The following SOX6 variants were observed in gnomAD, a reference collection of about 807,000 sequenced individuals.
SOX6 encodes transcription factor SOX-6.
Under a neutral mutation model 97.8 loss-of-function variants are expected in SOX6, and 11 were observed. The observed-to-expected ratio is 0.11, with a 90% CI of 0.07 to 0.19. SOX6 has a LOEUF of 0.19. Ranked by LOEUF, SOX6 falls within the 10% of genes least tolerant of loss-of-function variation. SOX6 has a pLI of 1.00. For missense variants in SOX6, 810 were observed against 1,039.5 expected, an observed-to-expected ratio of 0.78 and a Z score of 3.04; for synonymous variants, 360 against 371.4, an observed-to-expected ratio of 0.97 and a Z score of 0.35.
rs995141027 is a variant in SOX6, at chr11:16,048,822, T to C, written c.1435+933A>G. Among the ~76,000 whole-genome samples, 4 of 152,186 alleles carry C rather than the reference T, an allele frequency of 2.6e-5. No individual in the cohort carries two copies. The South Asian group carries it at 8.3e-4, about 32-fold the overall frequency. On this transcript the variant is annotated intron_variant, in intron 11 of 15. Transcript: ENST00000683767. Reference sequence around the variant, plus strand: ...TCTGTTTGGAAATTAAGTCTCTTAATTTCCAAAGAGTATAACAAATTAAGA... The same window carrying C: ...TCTGTTTGGAAATTAAGTCTCTTAACTTCCAAAGAGTATAACAAATTAAGA...
At chr11:16,274,163 C>A (rs938446849) in intron 3 of SOX6, among the ~76,000 whole-genome samples, 3 of 152,048 alleles carry the variant, frequency 2.0e-5, no homozygotes, top group African/African-American at 7.2e-5. Context: ...CCCTCCTCTC[C>A]AGTTTTTAAG....
At chr11:16,454,559 T>G (rs1859780372) in intron 1 of SOX6, among the ~76,000 whole-genome samples, 1 of 151,978 alleles carries the variant, frequency 6.6e-6, no homozygotes, top group Non-Finnish European at 1.5e-5. Context: ...GTACCCGATT[T>G]TTCTCTTTTA....
intron 3 of SOX6, among the ~76,000 whole-genome samples, chr11:16,244,863 C>T (rs762441730): frequency 1.3e-4 from 19 of 151,632 alleles, no homozygotes; most frequent in Non-Finnish European, 2.5e-4. Flanking sequence ...TTCATTGTTG[C>T]AGCCTTACAA....
intron 4 of SOX6, among the ~76,000 whole-genome samples, chr11:16,534,394 G>A (rs1052629673): frequency 5.9e-5 from 9 of 151,792 alleles, no homozygotes; most frequent in Non-Finnish European, 1.2e-4. Flanking sequence ...TTTTTCCAGC[G>A]AAGTTGGACT....
At chr11:16,291,476 C>T (rs907364304) in intron 3 of SOX6, among the ~76,000 whole-genome samples, 1 of 151,834 alleles carries the variant, frequency 6.6e-6, no homozygotes, top group African/African-American at 2.4e-5. Context: ...GCAGAATACA[C>T]CATTACGTTT....
At chr11:15,982,905 C>T (rs1356934962) in intron 15 of SOX6, among the ~76,000 whole-genome samples, 1 of 151,914 alleles carries the variant, frequency 6.6e-6, no homozygotes, top group African/African-American at 2.4e-5. Context: ...TATTCGGTCA[C>T]AGTTCTTTGG....
At chr11:16,280,003 T>A (rs985675642) in intron 3 of SOX6, among the ~76,000 whole-genome samples, 1 of 152,116 alleles carries the variant, frequency 6.6e-6, no homozygotes, top group Non-Finnish European at 1.5e-5. Context: ...AGTCCACACG[T>A]CATTTGAAAA....
At chr11:16,316,030 T>A (rs1332736349) in intron 3 of SOX6, 2 of 152,100 alleles carry the variant, frequency 1.3e-5, no homozygotes, top group African/African-American at 2.4e-5. Context: ...TGATGCTGAC[T>A]GAAATAGCAC....
intron 3 of SOX6, among the ~76,000 whole-genome samples, chr11:16,682,518 C>G (rs183514974): frequency 6.6e-4 from 101 of 152,250 alleles, no homozygotes; most frequent in African/African-American, 2.3e-3. Flanking sequence ...GCAGAAGAAG[C>G]CTTCAACAAA....
At chr11:16,126,075 G>A (rs1185188892) in intron 6 of SOX6, among the ~76,000 whole-genome samples, 3 of 152,024 alleles carry the variant, frequency 2.0e-5, no homozygotes, top group African/African-American at 4.8e-5. Context: ...TTCAGCACTT[G>A]TAGTCACAAT....
At chr11:16,179,834 A>G (rs536735011) in intron 6 of SOX6, among the ~76,000 whole-genome samples, 7 of 152,018 alleles carry the variant, frequency 4.6e-5, no homozygotes, top group Admixed American at 4.6e-4. Context: ...CACTGCCTAT[A>G]TAGCTCACAA....
At chr11:16,389,225 G>A (rs1271856047) in intron 1 of SOX6, among the ~76,000 whole-genome samples, 1 of 152,090 alleles carries the variant, frequency 6.6e-6, no homozygotes, top group African/African-American at 2.4e-5. Context: ...TAGGACTATA[G>A]GTTCGTGTCA....
At chr11:16,638,418 C>A (rs375270037) in intron 3 of SOX6, among the ~76,000 whole-genome samples, 1 of 151,960 alleles carries the variant, frequency 6.6e-6, no homozygotes, top group East Asian at 1.9e-4. Flanking sequence ...TGGGTATATA[C>A]CAAAGGATTA....
At chr11:16,645,090 T>C (rs898925501) in intron 3 of SOX6, among the ~76,000 whole-genome samples, 8 of 152,352 alleles carry the variant, frequency 5.3e-5, no homozygotes, top group African/African-American at 1.7e-4. Flanking sequence ...ATTTAATTGG[T>C]TGGACATGAG....
At chr11:16,423,496 A>G (rs1859061172) in intron 1 of SOX6, among the ~76,000 whole-genome samples, 1 of 152,208 alleles carries the variant, frequency 6.6e-6, no homozygotes, top group Non-Finnish European at 1.5e-5. Context: ...TTTATGTGTA[A>G]CAAATACTGA....
rs78348845 is a variant in SOX6 at position 16,263,818 on chromosome 11, T to C, written c.446-29147A>G. 1.8e-3 allele frequency among the ~76,000 whole-genome samples: 280 copies of C among 152,022 alleles called. 8 individuals carry two copies. The East Asian group carries it at 0.028, about 15-fold the overall frequency. ...ACAGAGATTTCTTACAGATCCTTCA[T>C]CCAAAGTCCTCAAATGTTAACAGTT... On this transcript the variant is annotated intron_variant, in intron 3 of 15. Transcript: ENST00000683767.
At chr11:16,587,525 G>A (rs187612988) in intron 4 of SOX6, among the ~76,000 whole-genome samples, 15 of 152,220 alleles carry the variant, frequency 9.9e-5, no homozygotes, top group Admixed American at 6.5e-5. Flanking sequence ...GTCTATGTGT[G>A]GTAACGGCTC....
chr11:16,035,241 G>C (rs1385416398), intron 12 of SOX6, among the ~76,000 whole-genome samples: 1 of 152,156 alleles, frequency 6.6e-6, no homozygotes, highest in Non-Finnish European at 1.5e-5. Flanking sequence ...AAGTCCGTCT[G>C]TTATTGCAGA....
chr11:16,038,017 T>C (rs1855561931), intron 12 of SOX6, among the ~76,000 whole-genome samples: 1 of 152,136 alleles, frequency 6.6e-6, no homozygotes. Context: ...AAGGAAAATA[T>C]TAAAATTTTT....
Sources: allele counts gnomAD v4.1 joint callset (sites outside exome capture counted in the v4.1 genomes callset), GRCh38; gene constraint gnomAD v4.1.1; transcripts MANE v1.5; gene names NCBI Gene and HGNC (gene_info 2026-07-23, HGNC 2026-07-21).